DOCK2: variants seen among roughly 807,000 people sequenced by gnomAD.
DOCK2 encodes dedicator of cytokinesis 2.
In DOCK2, 87 loss-of-function variants were observed where a neutral mutation model predicts 248.9. The ratio of observed to expected loss-of-function variants is 0.35; its 90% CI spans 0.29 to 0.42. The LOEUF (loss-of-function observed/expected upper bound fraction) is 0.42, where lower values mean the gene tolerates loss of function less well. DOCK2 is among the 10% of genes least tolerant of loss of function. The pLI is 1.00. For synonymous variants in DOCK2, 805 were observed against 821.6 expected (o/e 0.98, Z 0.35); for missense variants, 1,747 against 2,300.2 (o/e 0.76, Z 4.92).
chr5:169,993,748 C>T (rs775490687), intron 29 of DOCK2, among the ~76,000 whole-genome samples: 6 of 152,218 alleles, frequency 3.9e-5, no homozygotes, highest in Admixed American at 6.5e-5. Context: ...GTGAGGCTTT[C>T]CTACTTCTTT....
intron 2 of DOCK2, among the ~76,000 whole-genome samples, chr5:169,655,407 A>G (rs1159808424): frequency 2.0e-5 from 3 of 152,198 alleles, no homozygotes; most frequent in Non-Finnish European, 1.5e-5. Flanking sequence ...GGCCCTGGGG[A>G]GGGAGTGACG....
At chr5:169,882,876 T>G (rs1284872816) in intron 27 of DOCK2, 22 of 1,551,374 alleles carry the variant, frequency 1.4e-5, no homozygotes, top group Non-Finnish European at 1.7e-5. Context: ...TAGTTTTGAG[T>G]GACACCAGAT....
At chr5:169,765,174 T>C (rs910059095) in intron 25 of DOCK2, among the ~76,000 whole-genome samples, 1 of 152,112 alleles carries the variant, frequency 6.6e-6, no homozygotes, top group Non-Finnish European at 1.5e-5. Context: ...ACCTGTGATA[T>C]TGAGTAAATT....
chr5:170,020,614 T>G (rs1387152048), intron 33 of DOCK2, among the ~76,000 whole-genome samples: 1 of 152,230 alleles, frequency 6.6e-6, no homozygotes, highest in African/African-American at 2.4e-5. Context: ...GAAAAGAAAC[T>G]GAGACTTAGA....
chr5:170,065,991 G>T (rs1259495195), intron 44 of DOCK2, among the ~76,000 whole-genome samples: 9 of 139,174 alleles, frequency 6.5e-5, no homozygotes, highest in Non-Finnish European at 1.1e-4. Context: ...TCGCTCTGTC[G>T]CCGAGGCTGG....
At chr5:170,061,710 A>C (rs1757333262) in intron 44 of DOCK2, among the ~76,000 whole-genome samples, 1 of 152,252 alleles carries the variant, frequency 6.6e-6, no homozygotes, top group African/African-American at 2.4e-5. Context: ...GAATCTAAAA[A>C]TAGTTTCAAA....
At chr5:169,755,359 T>TTATACACAATATAGGAA in intron 23 of DOCK2, among the ~76,000 whole-genome samples, 1 of 152,210 alleles carries the variant, frequency 6.6e-6, no homozygotes, top group Non-Finnish European at 1.5e-5. Flanking sequence ...GTTTTAAGTA[T>TTATACACAATATAGGAA]TATACACAAT....
chr5:169,714,400 A>G lies in DOCK2; in HGVS notation c.1884A>G (p.Gln628=). ...LGLLKWRMKP[Q]LLQENLEKLK... ...TGCTGAAGTGGCGTATGAAGCCTCAACTGCTACAGGAGAATTTAGAAAAGT... is the reference window on the plus strand; with the variant it reads ...TGCTGAAGTGGCGTATGAAGCCTCAGCTGCTACAGGAGAATTTAGAAAAGT... Residue 628 remains glutamine, a synonymous_variant, in exon 19 of 52, where the codon CAA becomes CAG. Coordinates refer to ENST00000520908, the MANE Select transcript of DOCK2 (RefSeq NM_004946.3). 1.9e-6 allele frequency: 3 copies of G among 1,614,136 alleles called. No homozygotes were observed. Among genetic ancestry groups the G allele is most frequent in the African/African-American group, 1.3e-5 (1 of 75,054 alleles).
chr5:169,691,200 C>G (rs1760277720), intron 9 of DOCK2, among the ~76,000 whole-genome samples: 1 of 152,172 alleles, frequency 6.6e-6, no homozygotes, highest in African/African-American at 2.4e-5. Flanking sequence ...ACAACCAGGT[C>G]TTAGGAGAAC....
chr5:169,957,994 G>C (rs1481762283), intron 27 of DOCK2, among the ~76,000 whole-genome samples: 1 of 152,230 alleles, frequency 6.6e-6, no homozygotes, highest in African/African-American at 2.4e-5. Flanking sequence ...CCTTGACTGA[G>C]ATGCTCATAT....
intron 40 of DOCK2, among the ~76,000 whole-genome samples, chr5:170,049,389 A>G (rs574036618): frequency 2.2e-4 from 33 of 152,366 alleles, no homozygotes; most frequent in African/African-American, 7.7e-4. Flanking sequence ...CTGGGATTAC[A>G]GGCGTGAGCC....
intron 26 of DOCK2, among the ~76,000 whole-genome samples, chr5:169,828,602 G>A (rs1184132631): frequency 2.6e-5 from 4 of 152,278 alleles, no homozygotes; most frequent in African/African-American, 9.6e-5. Flanking sequence ...TTTCACTGTA[G>A]GAAGGAGGAT....
At chr5:169,643,696 G>C (rs983360864) in intron 1 of DOCK2, among the ~76,000 whole-genome samples, 6 of 152,158 alleles carry the variant, frequency 3.9e-5, no homozygotes, top group Non-Finnish European at 7.3e-5. Context: ...GGGGACCCCT[G>C]TTCTAGGGCA....
intron 23 of DOCK2, among the ~76,000 whole-genome samples, chr5:169,756,916 ACT>A (rs1268218400): frequency 2.6e-4 from 37 of 141,672 alleles, no homozygotes; most frequent in African/African-American, 9.0e-4. Context: ...CAAGAGTGAA[ACT>A]CTGTCTCAAA....
At chr5:169,752,809 GTAA>G (rs1485808056) in intron 23 of DOCK2, among the ~76,000 whole-genome samples, 1 of 152,152 alleles carries the variant, frequency 6.6e-6, no homozygotes, top group Non-Finnish European at 1.5e-5. Flanking sequence ...ACTCACGCCT[GTAA>G]TCCCAGCACT....
intron 26 of DOCK2, among the ~76,000 whole-genome samples, chr5:169,826,422 G>A (rs371038898): frequency 3.8e-4 from 58 of 152,258 alleles, no homozygotes; most frequent in African/African-American, 1.4e-3. Flanking sequence ...TCATCTCTGG[G>A]GGGGACGAGC....
intron 27 of DOCK2, among the ~76,000 whole-genome samples, chr5:169,879,261 G>A (rs73801673): frequency 1.3e-3 from 196 of 152,182 alleles, no homozygotes; most frequent in African/African-American, 4.5e-3. Flanking sequence ...GAGAGATCAC[G>A]GCTTAACAAG....
intron 27 of DOCK2, among the ~76,000 whole-genome samples, chr5:169,949,644 T>G (rs539216855): frequency 9.1e-6 from 1 of 109,446 alleles, no homozygotes; most frequent in South Asian, 2.4e-4. Context: ...TTGATTTCTT[T>G]GGGCTGTGGC....
chr5:169,972,901 C>A (rs1357475338), intron 27 of DOCK2, among the ~76,000 whole-genome samples: 1 of 152,106 alleles, frequency 6.6e-6, no homozygotes, highest in Non-Finnish European at 1.5e-5. Flanking sequence ...CTCCAAGCAA[C>A]CACCCCCCTC....
Sources: allele counts gnomAD v4.1 joint callset (sites outside exome capture counted in the v4.1 genomes callset), GRCh38; gene constraint gnomAD v4.1.1; transcripts MANE v1.5; gene names NCBI Gene and HGNC (gene_info 2026-07-23, HGNC 2026-07-21).